Variants in SORL1 observed in about 807,000 individuals in gnomAD.
SORL1 encodes the protein sortilin related receptor 1.
Under a neutral mutation model 273.7 loss-of-function variants are expected in SORL1, and 127 were observed. The ratio of observed to expected loss-of-function variants is 0.46; its 90% CI spans 0.40 to 0.54. The LOEUF (loss-of-function observed/expected upper bound fraction) is 0.54. Among genes scored for constraint, SORL1 ranks in the 20% least tolerant of loss-of-function variants. The pLI, the probability that SORL1 is intolerant of heterozygous loss-of-function variation, is 0.00. For missense variants in SORL1, 2,494 were observed against 2,846.1 expected (o/e 0.88, Z 2.81); for synonymous variants, 1,031 against 1,067.4 (o/e 0.97, Z 0.66).
rs117881359 is a variant in SORL1 at position 121,600,543 on chromosome 11, A to G, written c.4520-3650A>G. Among the ~76,000 whole-genome samples, 421 of 152,332 alleles carry G rather than the reference A, an allele frequency of 2.8e-3. 4 individuals are homozygous for G. The highest frequency in any genetic ancestry group is 0.023 in the Admixed American group (353 of 15,306). On this transcript the variant is annotated intron_variant, in intron 32 of 47. Coordinates refer to ENST00000260197, the MANE Select transcript of SORL1 (RefSeq NM_003105.6). ...CATTGGAGATAATTAAGAAAGAGAA[A>G]AGAAATGGGACCTCCCTCCTGGGTG... is the stretch of plus-strand genomic sequence containing the variant.
chr11:121,607,014 G>A (rs1053610869), intron 36 of SORL1, 57 bp downstream of exon 36: 1 of 1,334,376 alleles, frequency 7.5e-7, no homozygotes, highest in Admixed American at 1.7e-5. Context: ...GAGATTTCTG[G>A]GTATTCTGTA....
In SORL1 at chr11:121,615,013, C is replaced by G; in HGVS notation, c.5562C>G (p.Asn1854Lys). The change falls in exon 41 of 48, where the codon AAC becomes AAG. Residue 1854 changes from asparagine to lysine, a missense_variant. Physicochemically the swap from Asn to Lys is moderately conservative, Grantham distance 94. Transcript: ENST00000260197. ...PAPSLKAKAINQTAVECTWTG... is the reference protein window; with the variant it reads ...PAPSLKAKAIKQTAVECTWTG... ...CTAGCCTCAAGGCCAAAGCCATCAA[C>G]CAGACTGCAGTGGAATGTACCTGGA... 1 of 1,612,348 alleles carries G rather than the reference C, an allele frequency of 6.2e-7. No homozygotes were observed. The highest frequency in any genetic ancestry group is 2.2e-5 in the East Asian group (1 of 44,834).
In SORL1 at chr11:121,563,466, G is replaced by C. The variant is rs1035116515; in HGVS notation, c.3050-3474G>C. The stretch of plus-strand genomic sequence containing the variant: ...GCTGGAGTGCAGTGATGTGATCTTG[G>C]CTCACTGCAACCTCTGCCTCCTGGG... On this transcript the variant is annotated intron_variant, in intron 21 of 47. Coordinates refer to ENST00000260197, the MANE Select transcript of SORL1 (RefSeq NM_003105.6). This position sits in a 1 kb window ranked among gnomAD's most constrained non-coding sequence, Gnocchi z 4.2. 6.6e-6 allele frequency among the ~76,000 whole-genome samples: 1 copy of C among 152,122 alleles called. No homozygotes were observed. Among genetic ancestry groups the C allele is most frequent in the African/African-American group, 2.4e-5 (1 of 41,416 alleles).
intron 4 of SORL1, 59 bp downstream of exon 4, chr11:121,488,252 T>A: frequency 1.3e-6 from 2 of 1,551,422 alleles, no homozygotes; most frequent in East Asian, 4.5e-5. Flanking sequence ...CCTCTGCCTG[T>A]GTGGATTGTG....
rs371924939 is a variant in SORL1, at chr11:121,587,979, G to T, written c.3815-41G>T. The T allele has an allele frequency of 3.1e-6, 5 of 1,607,054 alleles. No individual in the cohort carries two copies. The African/African-American group carries it at 4.0e-5, about 13-fold the overall frequency. On this transcript the variant is annotated intron_variant, in intron 27 of 47. Transcript: ENST00000260197. The stretch of plus-strand genomic sequence containing the variant: ...CCAGGGCTAGAGGGCCCAGCCAGCC[G>T]CAGTGCTCATGGCCTCTTCCCTTCT...
intron 24 of SORL1, 183 bp from the exon 25 acceptor site, chr11:121,577,097 CA>C (rs1483386071): frequency 1.5e-5 from 16 of 1,100,346 alleles, no homozygotes; most frequent in Non-Finnish European, 2.1e-5. Flanking sequence ...AACCCATTTG[CA>C]GCACACTGAC....
rs558910985 is a variant in SORL1, at chr11:121,614,893, A to C, written c.5442A>C (p.Thr1814=). The part of the protein sequence containing the change: ...SHKVGNLTAH[T]SYEISAWAKT... ...CAGTTGGCAATCTGACAGCTCATAC[A>C]TCCTATGAGATTTCTGCCTGGGCCA... The change falls in exon 41 of 48, where the codon ACA becomes ACC. Residue 1814 remains threonine, a synonymous_variant. Transcript: ENST00000260197. The C allele has an allele frequency of 6.2e-7, 1 of 1,612,882 alleles. No individual in the cohort carries two copies. Among genetic ancestry groups the C allele is most frequent in the African/African-American group, 1.3e-5 (1 of 74,966 alleles).
intron 33 of SORL1, among the ~76,000 whole-genome samples, chr11:121,604,553 A>AT (rs11288922): frequency 0.018 from 2,732 of 148,456 alleles, 65 homozygotes; most frequent in African/African-American, 0.061. Context: ...CTAGTCTTGG[A>AT]TTTTTTTTTT....
chr11:121,480,245 A>G (rs1197614038), intron 3 of SORL1, among the ~76,000 whole-genome samples: 1 of 152,204 alleles, frequency 6.6e-6, no homozygotes, highest in East Asian at 1.9e-4. Flanking sequence ...ACCATTAAAC[A>G]ATGTATGTAT....
intron 12 of SORL1, among the ~76,000 whole-genome samples, chr11:121,543,027 CA>C (rs553437379): frequency 5.4e-3 from 691 of 128,882 alleles, no homozygotes; most frequent in East Asian, 0.019. Flanking sequence ...AATACAAATA[CA>C]AAAAAAAAAA....
intron 5 of SORL1, among the ~76,000 whole-genome samples, chr11:121,491,408 C>G (rs1378132268): frequency 6.6e-6 from 1 of 152,102 alleles, no homozygotes; most frequent in Non-Finnish European, 1.5e-5. Context: ...CATGTGCAGG[C>G]AAATGTGTAG....
intron 5 of SORL1, among the ~76,000 whole-genome samples, chr11:121,493,526 A>T (rs1409975733): frequency 6.6e-6 from 1 of 152,004 alleles, no homozygotes; most frequent in Non-Finnish European, 1.5e-5. Context: ...CAAAGTGCTG[A>T]GATTACAGGT....
rs957571057 is a variant in SORL1, at chr11:121,627,574, G to A, written c.6384G>A (p.Thr2128=). Residue 2128 remains threonine (T), a synonymous_variant, in exon 47 of 48, where the codon ACG becomes ACA. Coordinates refer to ENST00000260197, the MANE Select transcript of SORL1 (RefSeq NM_003105.6). This position sits in a 1 kb window ranked among gnomAD's most constrained non-coding sequence, Gnocchi z 4.9. Reference sequence around the variant, plus strand: ...TGGCAGGTGCAGATGCATCTGCAACGCAGGCTGCCAGATCTACGGATGTTG... The same window carrying A: ...TGGCAGGTGCAGATGCATCTGCAACACAGGCTGCCAGATCTACGGATGTTG... ...ELGSGADASA[T]QAARSTDVAA... 14 of 1,614,008 alleles carry A rather than the reference G, an allele frequency of 8.7e-6. No homozygotes were observed. Among genetic ancestry groups the A allele is most frequent in the African/African-American group, 4.0e-5 (3 of 74,940 alleles).
intron 1 of SORL1, among the ~76,000 whole-genome samples, chr11:121,468,396 T>A (rs1565302198): frequency 6.6e-6 from 1 of 152,110 alleles, no homozygotes; most frequent in African/African-American, 2.4e-5. Context: ...CATGGCATTG[T>A]CCTGCTTCTG....
At chr11:121,585,995 A>G (rs896426832) in intron 26 of SORL1, among the ~76,000 whole-genome samples, 7 of 152,224 alleles carry the variant, frequency 4.6e-5, no homozygotes, top group Admixed American at 4.6e-4. Context: ...TATTAAGTAC[A>G]AGGTTGTAAA....
intron 1 of SORL1, among the ~76,000 whole-genome samples, chr11:121,455,650 A>G (rs1431682322): frequency 6.6e-6 from 1 of 152,254 alleles, no homozygotes; most frequent in East Asian, 1.9e-4. Context: ...AGGCACATTT[A>G]TGATACTGAA....
chr11:121,606,749 G>A (rs932633465), intron 35 of SORL1, 96 bp from the exon 36 acceptor site: 4 of 788,088 alleles, frequency 5.1e-6, no homozygotes, highest in African/African-American at 1.7e-5. Flanking sequence ...AATGCCGGCT[G>A]TGGAGTCGTT....
chr11:121,567,965 G>C (rs952694359), intron 22 of SORL1, among the ~76,000 whole-genome samples: 1 of 152,162 alleles, frequency 6.6e-6, no homozygotes. Context: ...GCACATTCAC[G>C]GCTCACTGCA....
intron 37 of SORL1, 88 bp from the exon 38 acceptor site, chr11:121,608,016 C>T: frequency 1.7e-6 from 2 of 1,196,492 alleles, no homozygotes; most frequent in Non-Finnish European, 2.4e-6. Flanking sequence ...GCCAAAATCT[C>T]ACCCCTTTAG....
Sources: allele counts gnomAD v4.1 joint callset (sites outside exome capture counted in the v4.1 genomes callset), GRCh38; gene constraint gnomAD v4.1.1; non-coding constraint Gnocchi (gnomAD v3.1); transcripts MANE v1.5; gene names NCBI Gene and HGNC (gene_info 2026-07-23, HGNC 2026-07-21).